KHDRBS2: variants seen among roughly 807,000 people sequenced by gnomAD.
KHDRBS2 encodes the protein KH domain-containing, RNA-binding, signal transduction-associated protein 2.
A neutral mutation model predicts 44.3 loss-of-function variants in KHDRBS2; 26 were observed. That is an observed-to-expected ratio of 0.59 (90% confidence interval 0.43 to 0.81). The LOEUF is 0.81. Ranked by LOEUF, KHDRBS2 falls within the 40% of genes least tolerant of loss-of-function variation. The pLI is 0.00. For synonymous variants in KHDRBS2, 194 were observed against 151.1 expected (o/e 1.28, Z -2.08); for missense variants, 476 against 433.1 (o/e 1.10, Z -0.88).
chr6:61,865,043 C>T (rs1393159884), intron 6 of KHDRBS2, among the ~76,000 whole-genome samples: 1 of 152,046 alleles, frequency 6.6e-6, no homozygotes, highest in Non-Finnish European at 1.5e-5. Flanking sequence ...AGATTCTTTC[C>T]TCTGCTGGGT....
intron 7 of KHDRBS2, among the ~76,000 whole-genome samples, chr6:61,728,721 C>T (rs1469242412): frequency 1.3e-5 from 2 of 152,094 alleles, no homozygotes; most frequent in South Asian, 4.1e-4. Context: ...GATGTATTAA[C>T]ACACATGAAA....
At chr6:61,950,802 A>G (rs1401185198) in intron 4 of KHDRBS2, among the ~76,000 whole-genome samples, 1 of 151,972 alleles carries the variant, frequency 6.6e-6, no homozygotes. Context: ...GTGTGGTTGT[A>G]TTTCTTTATG....
At chr6:61,825,792 T>A (rs1255932403) in intron 6 of KHDRBS2, among the ~76,000 whole-genome samples, 5 of 152,152 alleles carry the variant, frequency 3.3e-5, no homozygotes, top group Non-Finnish European at 5.9e-5. Context: ...TTTACCTCTT[T>A]GAGTCTTGGT....
intron 3 of KHDRBS2, among the ~76,000 whole-genome samples, chr6:62,020,276 C>T (rs1782015288): frequency 1.3e-5 from 2 of 151,978 alleles, no homozygotes; most frequent in South Asian, 4.1e-4. Flanking sequence ...TATTTATTTG[C>T]TTATTGATTC....
the KHDRBS2 span, among the ~76,000 whole-genome samples, chr6:61,655,331 T>C: frequency 6.6e-6 from 1 of 151,892 alleles, no homozygotes; most frequent in Non-Finnish European, 1.5e-5. Flanking sequence ...TTTGGCTCCC[T>C]GCAACCTCCA....
intron 4 of KHDRBS2, among the ~76,000 whole-genome samples, chr6:61,907,105 G>T (rs1200632875): frequency 1.3e-5 from 2 of 152,132 alleles, no homozygotes; most frequent in East Asian, 3.9e-4. Context: ...TTTGACTGGG[G>T]TGAGTTGATA....
intron 6 of KHDRBS2, among the ~76,000 whole-genome samples, chr6:61,763,510 T>C (rs1779568861): frequency 6.6e-6 from 1 of 152,144 alleles, no homozygotes; most frequent in South Asian, 2.1e-4. Flanking sequence ...AATGTGAATT[T>C]CCGACCAAGT....
intron 2 of KHDRBS2, among the ~76,000 whole-genome samples, chr6:62,065,473 A>T (rs867323435): frequency 6.6e-6 from 1 of 151,636 alleles, no homozygotes; most frequent in Non-Finnish European, 1.5e-5. Flanking sequence ...ATGAGTTCAT[A>T]TCCTTTGTAG....
At chr6:62,037,006 A>G (rs758005906) in intron 3 of KHDRBS2, among the ~76,000 whole-genome samples, 1 of 151,968 alleles carries the variant, frequency 6.6e-6, no homozygotes, top group African/African-American at 2.4e-5. Flanking sequence ...GCCCAAGTTT[A>G]ATTCTTATGC....
downstream of KHDRBS2, chr6:61,678,855 T>C (rs1340571856): frequency 1.3e-5 from 2 of 151,930 alleles, no homozygotes; most frequent in East Asian, 1.9e-4. Flanking sequence ...GATGAGATTA[T>C]CTATTTCAAA....
intron 6 of KHDRBS2, among the ~76,000 whole-genome samples, chr6:61,778,139 A>G (rs188348621): frequency 6.6e-6 from 1 of 152,306 alleles, no homozygotes; most frequent in East Asian, 1.9e-4. Context: ...CCTTTGTACC[A>G]TGTAATAAAA....
intron 7 of KHDRBS2, among the ~76,000 whole-genome samples, chr6:61,722,408 A>G (rs986533396): frequency 1.3e-5 from 2 of 152,138 alleles, no homozygotes; most frequent in African/African-American, 4.8e-5. Flanking sequence ...CCTTTGTAGG[A>G]TTGTTACCTT....
the KHDRBS2 span, among the ~76,000 whole-genome samples, chr6:61,544,316 G>C: frequency 6.6e-5 from 10 of 152,048 alleles, no homozygotes; most frequent in Non-Finnish European, 1.2e-4. Flanking sequence ...AAATTAACTA[G>C]TAGCTTCAGC....
intron 4 of KHDRBS2, among the ~76,000 whole-genome samples, chr6:61,946,071 T>C (rs1813319200): frequency 6.6e-6 from 1 of 152,188 alleles, no homozygotes; most frequent in Non-Finnish European, 1.5e-5. Flanking sequence ...TTTACACAAG[T>C]ACATCATCCT....
intron 2 of KHDRBS2, among the ~76,000 whole-genome samples, chr6:62,083,506 C>A (rs746843993): frequency 4.3e-4 from 66 of 152,160 alleles, no homozygotes; most frequent in Non-Finnish European, 7.6e-4. Flanking sequence ...ACCACTTAAG[C>A]CATCCACGGA....
intron 7 of KHDRBS2, among the ~76,000 whole-genome samples, chr6:61,707,760 A>G (rs1769827290): frequency 1.3e-5 from 2 of 151,722 alleles, no homozygotes; most frequent in South Asian, 2.1e-4. Context: ...GCTGCTGTTA[A>G]TTTCAAGGGA....
intron 1 of KHDRBS2, among the ~76,000 whole-genome samples, chr6:62,235,374 C>T (rs1250091457): frequency 6.6e-6 from 1 of 151,950 alleles, no homozygotes; most frequent in Non-Finnish European, 1.5e-5. Flanking sequence ...TCTAACCCAC[C>T]TATTTACCAG....
At chr6:62,101,628 G>A (rs1014770228) in intron 2 of KHDRBS2, among the ~76,000 whole-genome samples, 2 of 152,168 alleles carry the variant, frequency 1.3e-5, no homozygotes, top group Non-Finnish European at 2.9e-5. Context: ...TGGATATACT[G>A]AGTGATGGAT....
intron 4 of KHDRBS2, among the ~76,000 whole-genome samples, chr6:61,915,611 G>C (rs560826618): frequency 6.6e-6 from 1 of 152,000 alleles, no homozygotes. Context: ...ATAACAATTT[G>C]CTTTCCATGC....
Sources: gnomAD v4.1 joint callset for allele counts (sites outside exome capture counted in the v4.1 genomes callset) on GRCh38, gnomAD v4.1.1 for gene constraint, MANE v1.5 for transcripts, NCBI Gene and HGNC (gene_info 2026-07-23, HGNC 2026-07-21) for gene names.